The following RTL4 variants were observed in gnomAD, a reference collection of about 807,000 sequenced individuals.
RTL4 encodes the protein retrotransposon Gag like 4.
In RTL4, 4 loss-of-function variants were observed where a neutral mutation model predicts 5.3. The ratio of observed to expected loss-of-function variants is 0.75; its 90% CI spans 0.37 to 1.72. The LOEUF is 1.72. RTL4 is among the 40% of genes most tolerant of loss of function. RTL4 has a pLI of 0.04. For synonymous variants in RTL4, 98 were observed against 87.3 expected, an observed-to-expected ratio of 1.12 and a Z score of -0.68; for missense variants, 260 against 227.1, an observed-to-expected ratio of 1.14 and a Z score of -0.93.
the RTL4 span, among the ~76,000 whole-genome samples, chrX:112,260,108 G>T: frequency 9.0e-6 from 1 of 111,595 alleles, no homozygotes; most frequent in Admixed American, 9.5e-5. Context: ...AGAATGCTCT[G>T]GAGTTTTTGC....
chrX:112,224,859 C>T, the RTL4 span, among the ~76,000 whole-genome samples: 1 of 111,862 alleles, frequency 8.9e-6, no homozygotes. Context: ...CACACTCTAA[C>T]TCAGCCACGA....
At chrX:112,455,872 C>T in exon 1 of RTL4, 1 of 407,930 alleles carries the variant, frequency 2.5e-6, no homozygotes, top group Non-Finnish European at 4.2e-6. Context: ...GAAAACAATT[C>T]ACAGGCACTT....
At chrX:112,380,452 C>T in the RTL4 span, among the ~76,000 whole-genome samples, 129 of 111,811 alleles carry the variant, frequency 1.2e-3, 1 homozygote, top group Non-Finnish European at 1.6e-3. Flanking sequence ...GCACCTGGCC[C>T]GGGATCAATT....
the RTL4 span, among the ~76,000 whole-genome samples, chrX:112,250,916 A>C: frequency 1.8e-5 from 2 of 112,163 alleles, no homozygotes; most frequent in African/African-American, 6.5e-5. Context: ...ATATATTAAA[A>C]ACATAAAAGG....
the RTL4 span, among the ~76,000 whole-genome samples, chrX:112,408,362 A>G: frequency 9.1e-6 from 1 of 109,892 alleles, no homozygotes; most frequent in Non-Finnish European, 1.9e-5. Flanking sequence ...TGCAATTGAC[A>G]TACTGAATAA....
At chrX:112,395,749 G>T in the RTL4 span, among the ~76,000 whole-genome samples, 4 of 111,259 alleles carry the variant, frequency 3.6e-5, no homozygotes, top group Non-Finnish European at 3.8e-5. Flanking sequence ...CAACTTTAGA[G>T]GGCAGAATTA....
chrX:112,243,457 C>T, the RTL4 span, among the ~76,000 whole-genome samples: 2 of 111,536 alleles, frequency 1.8e-5, no homozygotes, highest in Non-Finnish European at 3.8e-5. Flanking sequence ...TTATTAATTT[C>T]TTCTAGATTT....
chrX:112,344,915 G>A, the RTL4 span, among the ~76,000 whole-genome samples: 1 of 111,158 alleles, frequency 9.0e-6, no homozygotes, highest in East Asian at 2.8e-4. Context: ...CTTACATGGC[G>A]GCAGGCAAGA....
the RTL4 span, among the ~76,000 whole-genome samples, chrX:112,326,733 C>A: frequency 5.4e-5 from 6 of 111,974 alleles, no homozygotes; most frequent in African/African-American, 9.7e-5. Context: ...ACAGCAGTAA[C>A]CTCTGCAGAC....
the RTL4 span, among the ~76,000 whole-genome samples, chrX:112,154,578 A>G: frequency 8.9e-6 from 1 of 112,192 alleles, no homozygotes; most frequent in Non-Finnish European, 1.9e-5. Flanking sequence ...TGTGATCACT[A>G]AAGTCTCTGC....
the RTL4 span, among the ~76,000 whole-genome samples, chrX:112,447,540 A>C: frequency 8.9e-6 from 1 of 112,374 alleles, no homozygotes; most frequent in Non-Finnish European, 1.9e-5. Context: ...TGGTGTTAGC[A>C]TCAAATGTGG....
the RTL4 span, among the ~76,000 whole-genome samples, chrX:112,115,427 A>T: frequency 1.4e-4 from 16 of 111,586 alleles, no homozygotes; most frequent in East Asian, 4.5e-3. Context: ...TCCTATAAAG[A>T]TGTTAGGCCT....
At chrX:112,370,105 G>A in the RTL4 span, among the ~76,000 whole-genome samples, 1 of 111,757 alleles carries the variant, frequency 8.9e-6, no homozygotes, top group East Asian at 2.8e-4. Context: ...AGAGTGGTAT[G>A]GGGTGAAGAT....
chrX:112,365,974 C>T, the RTL4 span, among the ~76,000 whole-genome samples: 3 of 111,443 alleles, frequency 2.7e-5, no homozygotes, highest in East Asian at 2.8e-4. Flanking sequence ...AAAGACCTTA[C>T]TTTTTTCCTT....
At chrX:112,256,810 A>T in the RTL4 span, among the ~76,000 whole-genome samples, 1 of 111,577 alleles carries the variant, frequency 9.0e-6, no homozygotes, top group African/African-American at 3.2e-5. Flanking sequence ...TTGTTATTTT[A>T]CTTTTGAATT....
the RTL4 span, among the ~76,000 whole-genome samples, chrX:112,305,941 A>AT: frequency 1.8e-5 from 2 of 110,960 alleles, no homozygotes; most frequent in East Asian, 5.7e-4. Flanking sequence ...CTCAGAGGAG[A>AT]TTTTACTGTA....
the RTL4 span, among the ~76,000 whole-genome samples, chrX:112,434,719 A>G: frequency 1.8e-5 from 2 of 111,873 alleles, no homozygotes; most frequent in South Asian, 7.5e-4. Flanking sequence ...CTGCTGGACC[A>G]GAAACCAGAA....
the RTL4 span, among the ~76,000 whole-genome samples, chrX:112,091,797 G>A: frequency 9.0e-6 from 1 of 110,818 alleles, no homozygotes; most frequent in Non-Finnish European, 1.9e-5. Context: ...ATGATTTTCT[G>A]TCTTCATCTA....
At chrX:112,454,800 T>C in exon 1 of RTL4, 1 of 1,209,737 alleles carries the variant, frequency 8.3e-7, no homozygotes, top group Non-Finnish European at 1.1e-6. Context: ...AGAATCTGAT[T>C]CTGCGGCTTC....
Sources: gnomAD v4.1 joint callset for allele counts (sites outside exome capture counted in the v4.1 genomes callset) on GRCh38, gnomAD v4.1.1 for gene constraint, MANE v1.5 for transcripts, NCBI Gene and HGNC (gene_info 2026-07-23, HGNC 2026-07-21) for gene names.